GCNT3: variants seen among roughly 807,000 people sequenced by gnomAD.
GCNT3 encodes glucosaminyl (N-acetyl) transferase 3, mucin type.
For missense variants in GCNT3, 708 were observed against 530.3 expected (o/e 1.34, Z -3.29); for synonymous variants, 269 against 195.2 (o/e 1.38, Z -3.15).
intron 1 of GCNT3, among the ~76,000 whole-genome samples, chr15:59,612,688 G>C (rs1566903802): frequency 6.6e-6 from 1 of 152,120 alleles, no homozygotes; most frequent in Non-Finnish European, 1.5e-5. Flanking sequence ...GGCTAGCATG[G>C]AATTAAGGTG....
intron 1 of GCNT3, chr15:59,615,251 G>C (rs1042000218): frequency 6.6e-6 from 1 of 152,176 alleles, no homozygotes; most frequent in Non-Finnish European, 1.5e-5. Context: ...CTCAGTGGCT[G>C]TTCCTTTGTG....
rs761686131 is a variant in GCNT3 at position 59,619,600 on chromosome 15, C to T, written c.*45C>T. On this transcript the variant is annotated 3_prime_UTR_variant, in exon 3 of 3. Coordinates refer to ENST00000396065, the MANE Select transcript of GCNT3 (RefSeq NM_004751.3). Reference sequence around the variant, plus strand: ...GCTACCTGTGGGGCAAGAGCATGTACAAACATGCTCAGAACTTGCTGGGAC... The same window carrying T: ...GCTACCTGTGGGGCAAGAGCATGTATAAACATGCTCAGAACTTGCTGGGAC... The T allele has an allele frequency of 9.8e-6, 12 of 1,224,284 alleles. No homozygotes were observed. Among genetic ancestry groups the T allele is most frequent in the Admixed American group, 7.6e-5 (4 of 52,320 alleles). The allele number at this position is 1,224,284 out of a possible 1,614,324, so 75.8% of individuals were successfully genotyped here.
rs111312227 is a variant in GCNT3 at position 59,622,706 on chromosome 15, A to C, written c.*3151A>C. On this transcript the variant is annotated 3_prime_UTR_variant, in exon 3 of 3. Transcript: ENST00000396065. ...TAATTTATAATTTTTTATATAAATA[A>C]AAAGATTAAAATGTGAACTTGTCAT... 6.6e-6 allele frequency: 1 copy of C among 152,228 alleles called. No individual in the cohort carries two copies. Among genetic ancestry groups the C allele is most frequent in the Admixed American group, 6.5e-5 (1 of 15,276 alleles). The allele number at this position is 152,228 out of a possible 1,614,324, so 9.4% of individuals were successfully genotyped here.
At position 59,618,778 on chromosome 15, in the gene GCNT3, T is replaced by G; in HGVS notation, c.540T>G (p.Ile180Met). ...TCAAAGAGGCGGTCAAAGCAATTATTTCTTGCTTCCCAAATGTCTTCATAG... is the reference window on the plus strand; with the variant it reads ...TCAAAGAGGCGGTCAAAGCAATTATGTCTTGCTTCCCAAATGTCTTCATAG... ...ETFKEAVKAI[I>M]SCFPNVFIAS... The change falls in exon 3 of 3, where the codon ATT (isoleucine) becomes ATG (methionine). Residue 180 changes from isoleucine (I) to methionine (M), a missense_variant. Coordinates refer to ENST00000396065, the MANE Select transcript of GCNT3 (RefSeq NM_004751.3). 1.2e-6 allele frequency: 2 copies of G among 1,614,206 alleles called. No individual in the cohort carries two copies. The highest frequency in any genetic ancestry group is 4.5e-5 in the East Asian group (2 of 44,890).
rs1259351071 is a variant in GCNT3 at position 59,619,403 on chromosome 15, G to A, written c.1165G>A (p.Ala389Thr). ...YAPCSGIHQRAICVYGAGDLN... is the reference protein window; with the variant it reads ...YAPCSGIHQRTICVYGAGDLN... ...TCCCTGCTCTGGAATCCACCAGCGG[G>A]CTATCTGCGTTTATGGGGCTGGGGA... The change falls in exon 3 of 3, where the codon GCT becomes ACT. Residue 389 changes from alanine to threonine, a missense_variant. By Grantham distance (58) the Ala-to-Thr change is moderately conservative. Coordinates refer to ENST00000396065, the MANE Select transcript of GCNT3 (RefSeq NM_004751.3). The A allele has an allele frequency of 6.2e-7, 1 of 1,614,098 alleles. No individual in the cohort carries two copies.
Position 59,616,719 on chromosome 15 carries a change from C to G in GCNT3, c.-223C>G, listed in dbSNP as rs774231565. On this transcript the variant is annotated 5_prime_UTR_variant, in exon 2 of 3. Transcript: ENST00000396065. Reference sequence around the variant, plus strand: ...ATTAAAGAGGAGCCTGAAACTGTTCCTTGGACATCTTATGAATGTCAGAAA... The same window carrying G: ...ATTAAAGAGGAGCCTGAAACTGTTCGTTGGACATCTTATGAATGTCAGAAA... 4 of 152,174 alleles carry G rather than the reference C, an allele frequency of 2.6e-5. No individual in the cohort carries two copies. The highest frequency in any genetic ancestry group is 5.9e-5 in the Non-Finnish European group (4 of 68,036). 9.4% of individuals were successfully genotyped at this position (152,174 alleles called of 1,614,324 possible). A position where few individuals can be genotyped will look rare whatever the true frequency, so the allele number is the denominator to read the frequency against.
chr15:59,611,825 C>G lies in GCNT3; in HGVS notation c.-407C>G, dbSNP rs1437707979. ...CTCTAAGTCACGGGAACTGCCCTTG[C>G]TACTTGTGACCTGCCCTTTACTCAG... On this transcript the variant is annotated 5_prime_UTR_variant, in exon 1 of 3. Transcript: ENST00000396065. The G allele has an allele frequency of 2.0e-5, 3 of 152,184 alleles. No individual in the cohort carries two copies. Among genetic ancestry groups the G allele is most frequent in the Admixed American group, 1.3e-4 (2 of 15,268 alleles). The allele number at this position is 152,184 out of a possible 1,614,324, so 9.4% of individuals were successfully genotyped here. A position where few individuals can be genotyped will look rare whatever the true frequency, so the allele number is the denominator to read the frequency against.
At position 59,618,520 on chromosome 15, in the gene GCNT3, G is replaced by A. The variant is rs1418434271; in HGVS notation, c.282G>A (p.Lys94=). 6.2e-7 allele frequency: 1 copy of A among 1,614,222 alleles called. No individual in the cohort carries two copies. The highest frequency in any genetic ancestry group is 8.5e-7 in the Non-Finnish European group (1 of 1,180,040). Residue 94 remains lysine (K), a synonymous_variant, in exon 3 of 3, where the codon AAG becomes AAA. Transcript: ENST00000396065. ...AILNNLEVKK[K]REPFTDTHYL... ...TGAATAACCTGGAGGTCAAGAAGAA[G>A]CGAGAGCCTTTCACAGACACCCACT...
rs1268436942 is a variant in GCNT3, at chr15:59,619,429, C to T, written c.1191C>T (p.Asp397=). ...QRAICVYGAG[D]LNWMLQNHHL... Reference sequence around the variant, plus strand: ...CTATCTGCGTTTATGGGGCTGGGGACTTGAATTGGATGCTTCAAAACCATC... The same window carrying T: ...CTATCTGCGTTTATGGGGCTGGGGATTTGAATTGGATGCTTCAAAACCATC... Residue 397 remains aspartate (D), a synonymous_variant, in exon 3 of 3, where the codon GAC becomes GAT. Transcript: ENST00000396065. 6.2e-7 allele frequency: 1 copy of T among 1,614,016 alleles called. No homozygotes were observed. Among genetic ancestry groups the T allele is most frequent in the African/African-American group, 1.3e-5 (1 of 74,910 alleles).
At chr15:59,614,542 C>T (rs889704292) in intron 1 of GCNT3, among the ~76,000 whole-genome samples, 1 of 152,120 alleles carries the variant, frequency 6.6e-6, no homozygotes, top group Non-Finnish European at 1.5e-5. Context: ...CATGCCTCCC[C>T]CTTTTAGATC....
rs1320257236 is a variant in GCNT3, at chr15:59,619,175, C to G, written c.937C>G (p.Pro313Ala). Residue 313 changes from proline (P) to alanine (A), a missense_variant, in exon 3 of 3, where the codon CCT (proline) becomes GCT (alanine). Transcript: ENST00000396065. The part of the protein sequence containing the change: ...RDFVQHVLKN[P>A]KSQQLIEWVK... ...TTTCGTCCAACATGTTTTGAAGAAC[C>G]CTAAATCCCAACAACTGATTGAATG... 6.2e-7 allele frequency: 1 copy of G among 1,613,978 alleles called. No homozygotes were observed. Among genetic ancestry groups the G allele is most frequent in the South Asian group, 1.1e-5 (1 of 91,056 alleles).
chr15:59,617,719 C>T (rs1248550674), intron 2 of GCNT3, among the ~76,000 whole-genome samples: 1 of 152,050 alleles, frequency 6.6e-6, no homozygotes, highest in African/African-American at 2.4e-5. Context: ...ATATAAATTG[C>T]CAAAATAGAA....
In GCNT3 at chr15:59,622,341, G is replaced by A. The variant is rs1275260110; in HGVS notation, c.*2786G>A. 2 of 151,130 alleles carry A rather than the reference G, an allele frequency of 1.3e-5. No homozygotes were observed. The highest frequency in any genetic ancestry group is 2.4e-5 in the African/African-American group (1 of 41,168). The allele number at this position is 151,130 out of a possible 1,614,324, so 9.4% of individuals were successfully genotyped here. The stretch of plus-strand genomic sequence containing the variant: ...AAAAAAAAAAAAGTTACCTTTTTTT[G>A]GTAAGGTTGTACTTCTTAGATAATG... On this transcript the variant is annotated 3_prime_UTR_variant, in exon 3 of 3. Transcript: ENST00000396065.
In GCNT3 at chr15:59,622,648, T is replaced by G. The variant is rs1890959805; in HGVS notation, c.*3093T>G. 4 of 152,358 alleles carry G rather than the reference T, an allele frequency of 2.6e-5. 1 individual carries two copies. The South Asian group carries it at 8.3e-4, about 32-fold the overall frequency. 9.4% of individuals were successfully genotyped at this position (152,358 alleles called of 1,614,324 possible). ...CTCTGAGAAAAGAACTTTGGCCTCA[T>G]AGTTAACTTACTCCAAAAGCTTTCA... On this transcript the variant is annotated 3_prime_UTR_variant, in exon 3 of 3. Coordinates refer to ENST00000396065, the MANE Select transcript of GCNT3 (RefSeq NM_004751.3).
At chr15:59,613,757 C>T (rs1366939789) in intron 1 of GCNT3, among the ~76,000 whole-genome samples, 2 of 151,890 alleles carry the variant, frequency 1.3e-5, no homozygotes, top group African/African-American at 4.8e-5. Flanking sequence ...TCAGGCCCGG[C>T]ACAGTGGCTC....
At chr15:59,615,637 C>T (rs1250781643) in intron 1 of GCNT3, among the ~76,000 whole-genome samples, 1 of 151,760 alleles carries the variant, frequency 6.6e-6, no homozygotes, top group Non-Finnish European at 1.5e-5. Flanking sequence ...AATCCCAGCA[C>T]TTTGGGAGGC....
chr15:59,618,250 G>A lies in GCNT3; in HGVS notation c.12G>A (p.Trp4Ter). MVQ[W>*]KRLCQLHYLW... Reference sequence around the variant, plus strand: ...CCCATTCTGTGACGATGGTTCAATGGAAGAGACTCTGCCAGCTGCATTACT... The same window carrying A: ...CCCATTCTGTGACGATGGTTCAATGAAAGAGACTCTGCCAGCTGCATTACT... Residue 4 changes from tryptophan to a stop codon, truncating the protein, a stop_gained, in exon 3 of 3, where the codon TGG (tryptophan) becomes TGA (stop). Coordinates refer to ENST00000396065, the MANE Select transcript of GCNT3 (RefSeq NM_004751.3). LOFTEE classifies it low-confidence loss of function (END_TRUNC). 1 of 1,570,624 alleles carries A rather than the reference G, an allele frequency of 6.4e-7. No individual in the cohort carries two copies. Among genetic ancestry groups the A allele is most frequent in the Non-Finnish European group, 8.6e-7 (1 of 1,157,216 alleles).
At chr15:59,613,064 A>T (rs1357292186) in intron 1 of GCNT3, among the ~76,000 whole-genome samples, 1 of 152,006 alleles carries the variant, frequency 6.6e-6, no homozygotes, top group Middle Eastern at 3.2e-3. Context: ...ACCTTCACTG[A>T]GGGGCTGTAA....
rs1566908578 is a variant in GCNT3 at position 59,619,272 on chromosome 15, CTG to C, written c.1036_1037del (p.Val346SerfsTer24). The C allele has an allele frequency of 6.2e-7, 1 of 1,614,146 alleles. No homozygotes were observed. Among genetic ancestry groups the C allele is most frequent in the East Asian group, 2.2e-5 (1 of 44,884 alleles). ...CAGCGTGCACGGTGGATGCCTGGCT[CTG>C]TTCCCAACCACCCCAAGTACGACAT... On this transcript the variant is annotated frameshift_variant, in exon 3 of 3. Coordinates refer to ENST00000396065, the MANE Select transcript of GCNT3 (RefSeq NM_004751.3). LOFTEE classifies it low-confidence loss of function (END_TRUNC).
Sources: allele counts gnomAD v4.1 joint callset (sites outside exome capture counted in the v4.1 genomes callset), GRCh38; gene constraint gnomAD v4.1.1; transcripts MANE v1.5; gene names NCBI Gene and HGNC (gene_info 2026-07-23, HGNC 2026-07-21).